Variants in ZNF609 observed in about 807,000 individuals in gnomAD.
The protein encoded by ZNF609 is zinc finger protein 609.
ZNF609 carries 11 observed loss-of-function variants against 109.5 expected under a neutral mutation model. That is an observed-to-expected ratio of 0.10 (90% CI 0.06 to 0.17). The LOEUF (loss-of-function observed/expected upper bound fraction) is 0.17. Among genes scored for constraint, ZNF609 ranks in the 10% least tolerant of loss-of-function variants. ZNF609 has a pLI of 1.00. For synonymous variants in ZNF609, 646 were observed against 662.0 expected (o/e 0.98, Z 0.37); for missense variants, 1,559 against 1,772.4 (o/e 0.88, Z 2.16).
Position 64,674,764 on chromosome 15 carries a change from G to A in ZNF609, c.1910G>A (p.Cys637Tyr). Residue 637 changes from cysteine (C) to tyrosine (Y), a missense_variant, in exon 5 of 10, where the codon TGT becomes TAT. Physicochemically the swap from Cys to Tyr is radical, Grantham distance 194. Transcript: ENST00000326648. The part of the protein sequence containing the change: ...LERKCMEKEK[C>Y]KKPSSLKPEK... ...AGGAAGTGTATGGAAAAAGAAAAAT[G>A]TAAAAAACCCTCTAGTTTAAAACCT... The A allele has an allele frequency of 6.2e-7, 1 of 1,613,918 alleles. No individual in the cohort carries two copies. The highest frequency in any genetic ancestry group is 8.5e-7 in the Non-Finnish European group (1 of 1,179,984).
intron 2 of ZNF609, among the ~76,000 whole-genome samples, chr15:64,503,871 G>T (rs760959809): frequency 1.2e-4 from 19 of 152,174 alleles, no homozygotes; most frequent in Non-Finnish European, 2.8e-4. Context: ...TTCAACTTCT[G>T]ATCATGCATG....
At chr15:64,523,789 CTA>C (rs1431407704) in intron 2 of ZNF609, among the ~76,000 whole-genome samples, 1 of 151,698 alleles carries the variant, frequency 6.6e-6, no homozygotes, top group African/African-American at 2.4e-5. Context: ...AGAAAATCTT[CTA>C]TGTTATAAAC....
intron 2 of ZNF609, chr15:64,593,262 G>A (rs1288207724): frequency 1.9e-5 from 28 of 1,513,472 alleles, no homozygotes; most frequent in Admixed American, 1.0e-4. Context: ...CGCAAGGACC[G>A]AACACCCCCA....
chr15:64,630,172 A>C (rs754623507), intron 3 of ZNF609, among the ~76,000 whole-genome samples: 2 of 148,710 alleles, frequency 1.3e-5, no homozygotes, highest in Admixed American at 6.7e-5. Context: ...ACGGGGTTCA[A>C]GCGATTCTTC....
chr15:64,468,245 T>G (rs1334056474), intron 1 of ZNF609, among the ~76,000 whole-genome samples: 1 of 136,920 alleles, frequency 7.3e-6, no homozygotes, highest in African/African-American at 3.5e-5. Flanking sequence ...TCCTTCCTCC[T>G]TTCCTTTCCT....
At chr15:64,481,880 G>A (rs187326020) in intron 1 of ZNF609, among the ~76,000 whole-genome samples, 111 of 152,180 alleles carry the variant, frequency 7.3e-4, no homozygotes, top group African/African-American at 2.5e-3. Flanking sequence ...CACCTCCTGG[G>A]TTCAAGTGAT....
At chr15:64,669,529 G>T (rs898190751) in intron 3 of ZNF609, among the ~76,000 whole-genome samples, 15 of 152,198 alleles carry the variant, frequency 9.9e-5, no homozygotes, top group African/African-American at 3.6e-4. Context: ...AGGGGAACTG[G>T]AAGACTGAAG....
chr15:64,666,882 C>A (rs1896656468), intron 3 of ZNF609, among the ~76,000 whole-genome samples: 1 of 151,928 alleles, frequency 6.6e-6, no homozygotes, highest in Non-Finnish European at 1.5e-5. Context: ...AATCCCAGCA[C>A]TTTGGGGAGG....
At position 64,675,425 on chromosome 15, in the gene ZNF609, C is replaced by T; in HGVS notation, c.2571C>T (p.Gly857=). 2 of 1,614,152 alleles carry T rather than the reference C, an allele frequency of 1.2e-6. No homozygotes were observed. Among genetic ancestry groups the T allele is most frequent in the South Asian group, 1.1e-5 (1 of 91,082 alleles). ...DISDAGEDGE[G]KVDSVKSKDA... ...CTGATGCTGGGGAGGATGGGGAGGG[C>T]AAGGTAGACAGTGTCAAATCAAAGG... Residue 857 remains glycine (G), a synonymous_variant, in exon 5 of 10, where the codon GGC becomes GGT. Coordinates refer to ENST00000326648, the MANE Select transcript of ZNF609 (RefSeq NM_015042.2).
At chr15:64,567,114 C>T (rs1216001283) in intron 2 of ZNF609, among the ~76,000 whole-genome samples, 2 of 152,166 alleles carry the variant, frequency 1.3e-5, no homozygotes, top group Admixed American at 1.3e-4. Flanking sequence ...TATAAACAGA[C>T]TTTAAATACT....
At chr15:64,503,005 G>A (rs1275014054) in intron 2 of ZNF609, 1 of 150,790 alleles carries the variant, frequency 6.6e-6, no homozygotes, top group African/African-American at 2.4e-5. Flanking sequence ...GTTGCATTGA[G>A]CTGAGACGGC....
chr15:64,563,155 C>T (rs1894707639), intron 2 of ZNF609, among the ~76,000 whole-genome samples: 1 of 148,146 alleles, frequency 6.8e-6, no homozygotes, highest in African/African-American at 2.5e-5. Flanking sequence ...AAAATAAAAA[C>T]TAAAAAATTT....
chr15:64,576,949 C>CATATATGTATATATACACATACATAT (rs1567018981), intron 2 of ZNF609, among the ~76,000 whole-genome samples: 4 of 52,188 alleles, frequency 7.7e-5, no homozygotes, highest in African/African-American at 2.1e-4. Context: ...TAAATATATA[C>CATATATGTATATATACACATACATAT]ATATATGTAT....
chr15:64,577,019 CAT>C (rs1416986215), intron 2 of ZNF609, among the ~76,000 whole-genome samples: 5 of 121,078 alleles, frequency 4.1e-5, no homozygotes, highest in Admixed American at 9.8e-5. Flanking sequence ...TATGTATACA[CAT>C]AAATATATAT....
At chr15:64,603,722 G>A (rs747056928) in intron 2 of ZNF609, among the ~76,000 whole-genome samples, 6 of 151,752 alleles carry the variant, frequency 4.0e-5, no homozygotes, top group Admixed American at 6.6e-5. Context: ...TAGCTGAGGC[G>A]GAGCGTGGTG....
In ZNF609 at chr15:64,604,554, C is replaced by G. The variant is rs181707062; in HGVS notation, c.748-18273C>G. Reference sequence around the variant, plus strand: ...ACAGGACTCTTGCCTTTGGTCCATTCTTGTTCAGCATTTGTATTATAACAT... The same window carrying G: ...ACAGGACTCTTGCCTTTGGTCCATTGTTGTTCAGCATTTGTATTATAACAT... On this transcript the variant is annotated intron_variant, in intron 2 of 9. Transcript: ENST00000326648. 2.8e-3 allele frequency among the ~76,000 whole-genome samples: 420 copies of G among 152,300 alleles called. 6 individuals carry two copies. Among genetic ancestry groups the G allele is most frequent in the Non-Finnish European group, 3.1e-3 (209 of 68,024 alleles).
chr15:64,495,207 ATTG>A (rs1264768672), intron 1 of ZNF609, among the ~76,000 whole-genome samples: 1 of 152,184 alleles, frequency 6.6e-6, no homozygotes, highest in East Asian at 1.9e-4. Flanking sequence ...GTCTTTCCTT[ATTG>A]TTAAGGCTTT....
At chr15:64,531,223 G>A (rs1458674418) in intron 2 of ZNF609, among the ~76,000 whole-genome samples, 3 of 152,072 alleles carry the variant, frequency 2.0e-5, no homozygotes, top group Non-Finnish European at 4.4e-5. Flanking sequence ...TTTATATTGA[G>A]TACTGAGAGG....
chr15:64,521,325 G>A (rs1022011038), intron 2 of ZNF609, among the ~76,000 whole-genome samples: 7 of 152,362 alleles, frequency 4.6e-5, no homozygotes, highest in African/African-American at 1.7e-4. Context: ...AGTTGGCTGA[G>A]GAGAGAAATT....
Sources: allele counts gnomAD v4.1 joint callset (sites outside exome capture counted in the v4.1 genomes callset), GRCh38; gene constraint gnomAD v4.1.1; transcripts MANE v1.5; gene names NCBI Gene and HGNC (gene_info 2026-07-23, HGNC 2026-07-21).